Variants in LVRN observed in about 807,000 individuals in gnomAD.
LVRN encodes aminopeptidase Q.
In LVRN, 99 loss-of-function variants were observed where a neutral mutation model predicts 111.4. The ratio of observed to expected loss-of-function variants is 0.89; its 90% CI spans 0.76 to 1.05. The LOEUF (loss-of-function observed/expected upper bound fraction) is 1.05. LVRN is among the 50% of genes least tolerant of loss of function. The probability of loss-of-function intolerance (pLI) is 0.00; values close to 1 mark genes in which losing one functional copy is unlikely to be tolerated. For missense variants in LVRN, 1,414 were observed against 1,206.8 expected (o/e 1.17, Z -2.54); for synonymous variants, 488 against 449.5 (o/e 1.09, Z -1.08).
chr5:116,009,041 A>G (rs1366406231), intron 13 of LVRN, among the ~76,000 whole-genome samples: 2 of 152,220 alleles, frequency 1.3e-5, no homozygotes, highest in Non-Finnish European at 2.9e-5. Flanking sequence ...AAAGTTTCAA[A>G]GGACAGGCTG....
Position 115,999,799 on chromosome 5 carries a change from T to C in LVRN, c.1412T>C (p.Leu471Pro). 2 of 1,613,438 alleles carry C rather than the reference T, an allele frequency of 1.2e-6. No homozygotes were observed. Among genetic ancestry groups the C allele is most frequent in the African/African-American group, 1.3e-5 (1 of 75,014 alleles). ...TTTTCTAACATTTTACATAATATCC[T>C]CAGAGAAGATCACGCCCTGGTGACT... ...IFFSNILHNILREDHALVTRA... is the reference protein window; with the variant it reads ...IFFSNILHNIPREDHALVTRA... Residue 471 changes from leucine (L) to proline (P), a missense_variant, in exon 7 of 20, where the codon CTC becomes CCC. By Grantham distance (98) the Leu-to-Pro change is moderately conservative. Coordinates refer to ENST00000357872, the MANE Select transcript of LVRN (RefSeq NM_173800.5).
At chr5:115,977,511 C>T (rs11241345) in intron 1 of LVRN, among the ~76,000 whole-genome samples, 65,079 of 152,030 alleles carry the variant, frequency 0.43, 14,173 homozygotes, top group East Asian at 0.53. Flanking sequence ...GCCTATGTTA[C>T]TCCCTGTGGT....
chr5:116,023,903 C>T (rs1748808075), intron 19 of LVRN, among the ~76,000 whole-genome samples: 1 of 152,076 alleles, frequency 6.6e-6, no homozygotes. Flanking sequence ...TAAATGCCCA[C>T]CCATAGGTAA....
In LVRN at chr5:116,014,810, G is replaced by A. The variant is rs140784674; in HGVS notation, c.2450+283G>A. The stretch of plus-strand genomic sequence containing the variant: ...TTTGAGCTGTCTATGCTTGTTTTGA[G>A]TCTTAATAGGTTGTTCTTTATGATT... On this transcript the variant is annotated intron_variant, in intron 16 of 19. Coordinates refer to ENST00000357872, the MANE Select transcript of LVRN (RefSeq NM_173800.5). Among the ~76,000 whole-genome samples the A allele has an allele frequency of 5.7e-3, 872 of 152,190 alleles. 7 individuals are homozygous for A. Among genetic ancestry groups the A allele is most frequent in the African/African-American group, 0.02 (835 of 41,550 alleles).
chr5:116,022,466 G>A lies in LVRN; in HGVS notation c.2832G>A (p.Glu944=), dbSNP rs375790701. The A allele has an allele frequency of 6.5e-6, 10 of 1,528,202 alleles. No individual in the cohort carries two copies. The Admixed American group carries it at 1.4e-4, about 21-fold the overall frequency. 94.7% of individuals were successfully genotyped at this position (1,528,202 alleles called of 1,614,324 possible). Reference sequence around the variant, plus strand: ...TAACTACAGATTTACAGATTGTGGAGGTAAGTACTTTAAATATTATGAAAT... The same window carrying A: ...TAACTACAGATTTACAGATTGTGGAAGTAAGTACTTTAAATATTATGAAAT... The part of the protein sequence containing the change: ...RTVTTDLQIV[E]LQQFFSNMLE... Residue 944 remains glutamate (E), a splice_region_variant and synonymous_variant, in exon 19 of 20, where the codon GAG becomes GAA. Transcript: ENST00000357872.
In LVRN at chr5:116,014,532, G is replaced by C. The variant is rs769932142; in HGVS notation, c.2450+5G>C. ...GGTGGATCATCCAGAAAATGAGTAA[G>C]AGTAATATCATAATTCCTCTTGTTT... On this transcript the variant is annotated splice_donor_5th_base_variant and intron_variant, in intron 16 of 19. Transcript: ENST00000357872. 1.9e-6 allele frequency: 3 copies of C among 1,603,888 alleles called. No individual in the cohort carries two copies. The highest frequency in any genetic ancestry group is 2.6e-6 in the Non-Finnish European group (3 of 1,171,384).
At chr5:116,001,804 C>A (rs898535747) in intron 10 of LVRN, among the ~76,000 whole-genome samples, 2 of 152,156 alleles carry the variant, frequency 1.3e-5, no homozygotes, top group African/African-American at 4.8e-5. Context: ...AAAATTCAAA[C>A]CTTAGGTATT....
intron 12 of LVRN, among the ~76,000 whole-genome samples, chr5:116,003,952 T>C (rs1250859180): frequency 3.3e-5 from 5 of 152,220 alleles, no homozygotes; most frequent in Non-Finnish European, 7.3e-5. Flanking sequence ...CAGGATGCAT[T>C]TTCCTATTAA....
chr5:116,005,949 A>G lies in LVRN; in HGVS notation c.2075A>G (p.Asp692Gly). The G allele has an allele frequency of 6.3e-7, 1 of 1,593,430 alleles. No individual in the cohort carries two copies. The highest frequency in any genetic ancestry group is 1.1e-5 in the South Asian group (1 of 90,738). The change falls in exon 13 of 20, where the codon GAT becomes GGT. Residue 692 changes from aspartate to glycine, a missense_variant. Coordinates refer to ENST00000357872, the MANE Select transcript of LVRN (RefSeq NM_173800.5). ...ATTCACAGACTGCAGTTGATTGATG[A>G]TGCCTTTTCCTTGTCTAAGTGAGTA... ...PVIHRLQLID[D>G]AFSLSKNNYI...
At chr5:115,978,572 G>T (rs986693475) in intron 1 of LVRN, among the ~76,000 whole-genome samples, 1 of 152,080 alleles carries the variant, frequency 6.6e-6, no homozygotes, top group Non-Finnish European at 1.5e-5. Context: ...AGTTAGATGA[G>T]AAAATTAGAA....
chr5:115,992,679 T>A (rs911469713), intron 5 of LVRN, among the ~76,000 whole-genome samples: 2 of 152,220 alleles, frequency 1.3e-5, no homozygotes, highest in East Asian at 3.8e-4. Flanking sequence ...TAGTTGTTGT[T>A]GCTGTTGTTG....
In LVRN at chr5:116,003,267, G is replaced by T; in HGVS notation, c.1924G>T (p.Asp642Tyr). 1 of 1,579,458 alleles carries T rather than the reference G, an allele frequency of 6.3e-7. No individual in the cohort carries two copies. Among genetic ancestry groups the T allele is most frequent in the African/African-American group, 1.4e-5 (1 of 73,102 alleles). The change falls in exon 12 of 20, where the codon GAT becomes TAT. Residue 642 changes from aspartate (D) to tyrosine (Y), a missense_variant. By Grantham distance (160) the Asp-to-Tyr change is radical. Transcript: ENST00000357872. ...AGTATTCCCAGAAATGCAAGTTTCA[G>T]ATTCTGACCATGACTGGGTGATTTT... ...SKVFPEMQVSDSDHDWVILNL... is the reference protein window; with the variant it reads ...SKVFPEMQVSYSDHDWVILNL...
At chr5:115,986,848 A>G (rs1747875120) in intron 3 of LVRN, among the ~76,000 whole-genome samples, 1 of 152,228 alleles carries the variant, frequency 6.6e-6, no homozygotes, top group Non-Finnish European at 1.5e-5. Context: ...ATCTGTAAAT[A>G]CTGTGATTCT....
At position 116,001,065 on chromosome 5, in the gene LVRN, A is replaced by G; in HGVS notation, c.1648-2A>G. 2 of 1,575,776 alleles carry G rather than the reference A, an allele frequency of 1.3e-6. No individual in the cohort carries two copies. Among genetic ancestry groups the G allele is most frequent in the Non-Finnish European group, 1.7e-6 (2 of 1,167,066 alleles). ...TGCCTTTGTGGTGATTTTTTAAAACAGGCCATAGATGACCAGAGTACAGTT... is the reference window on the plus strand; with the variant it reads ...TGCCTTTGTGGTGATTTTTTAAAACGGGCCATAGATGACCAGAGTACAGTT... On this transcript the variant is annotated splice_acceptor_variant, in intron 9 of 19. Transcript: ENST00000357872. LOFTEE classifies it high-confidence loss of function.
At position 116,016,852 on chromosome 5, in the gene LVRN, T is replaced by G. The variant is rs146697900; in HGVS notation, c.2756+1087T>G. ...AAAATTTTCCAACCCTCTCATTTGG[T>G]TCTGGAACTGTAAAAAAAAACCCAT... is the stretch of plus-strand genomic sequence containing the variant. On this transcript the variant is annotated intron_variant, in intron 18 of 19. Transcript: ENST00000357872. 1.6e-3 allele frequency among the ~76,000 whole-genome samples: 233 copies of G among 143,598 alleles called. 1 individual carries two copies. The highest frequency in any genetic ancestry group is 2.8e-3 in the Non-Finnish European group (179 of 64,482). The allele number at this position is 143,598 out of a possible 152,430, so 94.2% of individuals were successfully genotyped here. A position where few individuals can be genotyped will look rare whatever the true frequency, so the allele number is the denominator to read the frequency against.
chr5:115,985,836 T>C (rs1173900081), intron 3 of LVRN, among the ~76,000 whole-genome samples: 1 of 152,226 alleles, frequency 6.6e-6, no homozygotes, highest in African/African-American at 2.4e-5. Flanking sequence ...TAGCGGGCCT[T>C]AGGCCCAGTT....
chr5:116,009,656 T>C (rs960887778), intron 13 of LVRN, among the ~76,000 whole-genome samples: 14 of 152,242 alleles, frequency 9.2e-5, no homozygotes, highest in Middle Eastern at 3.4e-3. Flanking sequence ...AAGATTTCAG[T>C]AGAGGAAGTC....
chr5:116,026,180 C>T lies in LVRN; in HGVS notation c.*62C>T. The stretch of plus-strand genomic sequence containing the variant: ...TAATGTAGTTTGTTCACAGTTTTGT[C>T]TTCCAATACTTTGTGAGTCTGGAAA... On this transcript the variant is annotated 3_prime_UTR_variant, in exon 20 of 20. Coordinates refer to ENST00000357872, the MANE Select transcript of LVRN (RefSeq NM_173800.5). 6.3e-7 allele frequency: 1 copy of T among 1,597,592 alleles called. No homozygotes were observed. The highest frequency in any genetic ancestry group is 8.5e-7 in the Non-Finnish European group (1 of 1,171,156).
chr5:115,977,236 A>C (rs1753468336), intron 1 of LVRN, among the ~76,000 whole-genome samples: 2 of 152,116 alleles, frequency 1.3e-5, no homozygotes. Flanking sequence ...TACTCGGCAA[A>C]TTCTAGCTGT....
Sources: gnomAD v4.1 joint callset for allele counts (sites outside exome capture counted in the v4.1 genomes callset) on GRCh38, gnomAD v4.1.1 for gene constraint, MANE v1.5 for transcripts, NCBI Gene and HGNC (gene_info 2026-07-23, HGNC 2026-07-21) for gene names.